The following OSR2 variants were observed in gnomAD, a reference collection of about 807,000 sequenced individuals.
OSR2 encodes protein odd-skipped-related 2.
In OSR2, 8 loss-of-function variants were observed where a neutral mutation model predicts 22.3. That is an observed-to-expected ratio of 0.36 (90% CI 0.21 to 0.65). The LOEUF (loss-of-function observed/expected upper bound fraction) is 0.65. Among genes scored for constraint, OSR2 ranks in the 30% least tolerant of loss-of-function variants. OSR2 has a pLI of 0.66. For missense variants in OSR2, 311 were observed against 413.4 expected (o/e 0.75, Z 2.15); for synonymous variants, 179 against 173.8 (o/e 1.03, Z -0.23).
At chr8:98,950,270 C>T (rs924971359) in intron 2 of OSR2, among the ~76,000 whole-genome samples, 1 of 152,150 alleles carries the variant, frequency 6.6e-6, no homozygotes, top group South Asian at 2.1e-4. Context: ...GATGAGACTT[C>T]TGTACCCATC....
chr8:98,949,867 G>T lies in OSR2; in HGVS notation c.656+259G>T, dbSNP rs1387742790. 1.3e-5 allele frequency among the ~76,000 whole-genome samples: 2 copies of T among 152,142 alleles called. No homozygotes were observed. Among genetic ancestry groups the T allele is most frequent in the Non-Finnish European group, 1.5e-5 (1 of 68,030 alleles). On this transcript the variant is annotated intron_variant, in intron 2 of 3. Coordinates refer to ENST00000297565, the MANE Select transcript of OSR2 (RefSeq NM_001142462.3). The surrounding 1 kb of genome is among the most constrained non-coding windows in gnomAD (Gnocchi z 5.9). ...GGAACAATCTGTTGGCCTTAGTCCT[G>T]GGATGGTTATCCTGTCTCCTCCCGG...
intron 2 of OSR2, 23 bp from the exon 3 acceptor site, chr8:98,950,633 T>A: frequency 6.6e-7 from 1 of 1,520,144 alleles, no homozygotes; most frequent in Non-Finnish European, 9.1e-7. Flanking sequence ...GTTATTTCAA[T>A]GAAACCTTAT....
Position 98,949,552 on chromosome 8 carries a change from C to T in OSR2, c.600C>T (p.Tyr200=), listed in dbSNP as rs1156622476. ...GGACCCACACGGACGAGAGGCCGTACACGTGTGACATCTGCCACAAGGCCT... is the reference window on the plus strand; with the variant it reads ...GGACCCACACGGACGAGAGGCCGTATACGTGTGACATCTGCCACAAGGCCT... ...HERTHTDERP[Y]TCDICHKAFR... is the part of the protein sequence containing the mutation. Residue 200 remains tyrosine (Y), a synonymous_variant, in exon 2 of 4, where the codon TAC becomes TAT. Coordinates refer to ENST00000297565, the MANE Select transcript of OSR2 (RefSeq NM_001142462.3). This position sits in a 1 kb window ranked among gnomAD's most constrained non-coding sequence, Gnocchi z 5.9. 3 of 1,613,884 alleles carry T rather than the reference C, an allele frequency of 1.9e-6. No individual in the cohort carries two copies. The highest frequency in any genetic ancestry group is 2.7e-5 in the African/African-American group (2 of 74,948).
At chr8:98,950,411 G>C (rs1287031125) in intron 2 of OSR2, among the ~76,000 whole-genome samples, 2 of 152,038 alleles carry the variant, frequency 1.3e-5, no homozygotes, top group Non-Finnish European at 2.9e-5. Flanking sequence ...GCGGGGTTTC[G>C]AGCTCCAGAA....
chr8:98,948,218 G>T lies in OSR2; in HGVS notation c.-114-621G>T, dbSNP rs1157805200. 2 of 1,458,260 alleles carry T rather than the reference G, an allele frequency of 1.4e-6. No individual in the cohort carries two copies. The highest frequency in any genetic ancestry group is 2.6e-5 in the Admixed American group (1 of 38,740). The allele number at this position is 1,458,260 out of a possible 1,614,324, so 90.3% of individuals were successfully genotyped here. Reference sequence around the variant, plus strand: ...AGGAAAAAGAAAACCTCCGAGGTCAGTGCGGGGCGAGGTGAGCCCCTCCCA... The same window carrying T: ...AGGAAAAAGAAAACCTCCGAGGTCATTGCGGGGCGAGGTGAGCCCCTCCCA... On this transcript the variant is annotated intron_variant, in intron 1 of 3. Coordinates refer to ENST00000297565, the MANE Select transcript of OSR2 (RefSeq NM_001142462.3). The surrounding 1 kb of genome is among the most constrained non-coding windows in gnomAD (Gnocchi z 6.0).
Position 98,948,440 on chromosome 8 carries a change from G to A in OSR2, c.-114-399G>A. On this transcript the variant is annotated intron_variant, in intron 1 of 3. Transcript: ENST00000297565. This position sits in a 1 kb window ranked among gnomAD's most constrained non-coding sequence, Gnocchi z 6.0. The stretch of plus-strand genomic sequence containing the variant: ...GACAGAGGTTCGCCCCGGCCTGCTA[G>A]CATTGGCATTGCGGTTGACTGAGCT... The A allele has an allele frequency of 8.7e-7, 1 of 1,154,706 alleles. No homozygotes were observed. Among genetic ancestry groups the A allele is most frequent in the Non-Finnish European group, 1.1e-6 (1 of 930,386 alleles). 71.5% of individuals were successfully genotyped at this position (1,154,706 alleles called of 1,614,324 possible).
Position 98,948,096 on chromosome 8 carries a change from G to A in OSR2, c.-114-743G>A, listed in dbSNP as rs2132084294. 9.6e-6 allele frequency: 13 copies of A among 1,349,916 alleles called. No individual in the cohort carries two copies. Among genetic ancestry groups the A allele is most frequent in the Non-Finnish European group, 1.2e-5 (13 of 1,053,248 alleles). 83.6% of individuals were successfully genotyped at this position (1,349,916 alleles called of 1,614,324 possible). On this transcript the variant is annotated intron_variant, in intron 1 of 3. Transcript: ENST00000297565. The surrounding 1 kb of genome is among the most constrained non-coding windows in gnomAD (Gnocchi z 6.0). ...GGTTGGGAGGAGAGCCCGTGGATAG[G>A]AGGAGGGGGCGATTCTAGGCCGAAT... is the stretch of plus-strand genomic sequence containing the variant.
At position 98,949,570 on chromosome 8, in the gene OSR2, C is replaced by CA; in HGVS notation, c.620dup (p.Ala208GlyfsTer34). On this transcript the variant is annotated frameshift_variant, in exon 2 of 4. Transcript: ENST00000297565. LOFTEE classifies it high-confidence loss of function. This position sits in a 1 kb window ranked among gnomAD's most constrained non-coding sequence, Gnocchi z 5.9. ...GGCCGTACACGTGTGACATCTGCCA[C>CA]AAGGCCTTCCGGAGGCAAGATCACC... The CA allele has an allele frequency of 6.2e-7, 1 of 1,612,830 alleles. No individual in the cohort carries two copies. Among genetic ancestry groups the CA allele is most frequent in the Non-Finnish European group, 8.5e-7 (1 of 1,179,132 alleles).
rs1272049701 is a variant in OSR2, at chr8:98,948,689, G to A, written c.-114-150G>A. The A allele has an allele frequency of 2.8e-6, 3 of 1,081,144 alleles. No individual in the cohort carries two copies. The highest frequency in any genetic ancestry group is 5.2e-5 in the East Asian group (2 of 38,332). The allele number at this position is 1,081,144 out of a possible 1,614,324, so 67.0% of individuals were successfully genotyped here. A position where few individuals can be genotyped will look rare whatever the true frequency, so the allele number is the denominator to read the frequency against. On this transcript the variant is annotated intron_variant, in intron 1 of 3. Coordinates refer to ENST00000297565, the MANE Select transcript of OSR2 (RefSeq NM_001142462.3). This position sits in a 1 kb window ranked among gnomAD's most constrained non-coding sequence, Gnocchi z 6.0. Reference sequence around the variant, plus strand: ...CGCGGACTTGAGCAGGTGCCAAGGTGCCACGCAGTCCCCTCACGGCTTTCG... The same window carrying A: ...CGCGGACTTGAGCAGGTGCCAAGGTACCACGCAGTCCCCTCACGGCTTTCG...
chr8:98,949,260 C>T lies in OSR2; in HGVS notation c.308C>T (p.Ala103Val). The change falls in exon 2 of 4, where the codon GCC becomes GTC. Residue 103 changes from alanine to valine, a missense_variant. Transcript: ENST00000297565. The surrounding 1 kb of genome is among the most constrained non-coding windows in gnomAD (Gnocchi z 5.9). ...HLFHPKQGAI[A>V]HVLPALHKDR... Reference sequence around the variant, plus strand: ...TTCCACCCCAAGCAGGGGGCCATTGCCCACGTCCTCCCAGCCCTGCACAAG... The same window carrying T: ...TTCCACCCCAAGCAGGGGGCCATTGTCCACGTCCTCCCAGCCCTGCACAAG... The T allele has an allele frequency of 6.2e-7, 1 of 1,609,080 alleles. No homozygotes were observed. The highest frequency in any genetic ancestry group is 8.5e-7 in the Non-Finnish European group (1 of 1,176,700).
rs1303504877 is a variant in OSR2, at chr8:98,948,675, G to A, written c.-114-164G>A. The A allele has an allele frequency of 9.9e-7, 1 of 1,014,592 alleles. No individual in the cohort carries two copies. Among genetic ancestry groups the A allele is most frequent in the African/African-American group, 1.6e-5 (1 of 61,454 alleles). The allele number at this position is 1,014,592 out of a possible 1,614,324, so 62.8% of individuals were successfully genotyped here. On this transcript the variant is annotated intron_variant, in intron 1 of 3. Coordinates refer to ENST00000297565, the MANE Select transcript of OSR2 (RefSeq NM_001142462.3). This position sits in a 1 kb window ranked among gnomAD's most constrained non-coding sequence, Gnocchi z 6.0. Reference sequence around the variant, plus strand: ...CGGGCTGATCTGCACGCGGACTTGAGCAGGTGCCAAGGTGCCACGCAGTCC... The same window carrying A: ...CGGGCTGATCTGCACGCGGACTTGAACAGGTGCCAAGGTGCCACGCAGTCC...
chr8:98,951,731 C>A lies in OSR2; in HGVS notation c.*30C>A, dbSNP rs1840788857. 1.3e-6 allele frequency: 2 copies of A among 1,585,608 alleles called. No individual in the cohort carries two copies. Among genetic ancestry groups the A allele is most frequent in the Non-Finnish European group, 1.7e-6 (2 of 1,166,828 alleles). ...GCCCAGGATCTGTCCCGTGCCGCCGCTGCTCCCCTCCCCAGACACCTCTCC... is the reference window on the plus strand; with the variant it reads ...GCCCAGGATCTGTCCCGTGCCGCCGATGCTCCCCTCCCCAGACACCTCTCC... On this transcript the variant is annotated 3_prime_UTR_variant, in exon 4 of 4. Transcript: ENST00000297565.
In OSR2 at chr8:98,951,874, T is replaced by C. The variant is rs953082500; in HGVS notation, c.*173T>C. The C allele has an allele frequency of 6.4e-6, 4 of 626,258 alleles. No homozygotes were observed. The highest frequency in any genetic ancestry group is 1.1e-5 in the Non-Finnish European group (4 of 363,070). 38.8% of individuals were successfully genotyped at this position (626,258 alleles called of 1,614,324 possible). On this transcript the variant is annotated 3_prime_UTR_variant, in exon 4 of 4. Coordinates refer to ENST00000297565, the MANE Select transcript of OSR2 (RefSeq NM_001142462.3). Reference sequence around the variant, plus strand: ...TCTTCTTCTGGGGGACTGAGAACTGTAGAAAGCCACACACTACTACATCCC... The same window carrying C: ...TCTTCTTCTGGGGGACTGAGAACTGCAGAAAGCCACACACTACTACATCCC...
rs1177124690 is a variant in OSR2 at position 98,950,743 on chromosome 8, T to C, written c.744T>C (p.Thr248=). ...CQSRTLAVHK[T]LHMQESPHKC... Reference sequence around the variant, plus strand: ...CTAGAACTCTAGCAGTTCACAAAACTTTACACATGCAGGTAAGTTTGTTTT... The same window carrying C: ...CTAGAACTCTAGCAGTTCACAAAACCTTACACATGCAGGTAAGTTTGTTTT... The change falls in exon 3 of 4, where the codon ACT becomes ACC. Residue 248 remains threonine (T), a synonymous_variant. Coordinates refer to ENST00000297565, the MANE Select transcript of OSR2 (RefSeq NM_001142462.3). 6.2e-7 allele frequency: 1 copy of C among 1,609,848 alleles called. No individual in the cohort carries two copies. Among genetic ancestry groups the C allele is most frequent in the African/African-American group, 1.3e-5 (1 of 74,990 alleles).
chr8:98,951,848 CTCT>C lies in OSR2; in HGVS notation c.*154_*156del. ...CGCACCTGCAGCTCCAGGGAGTTAA[CTCT>C]TCTTCTGGGGGACTGAGAACTGTAG... On this transcript the variant is annotated 3_prime_UTR_variant, in exon 4 of 4. Transcript: ENST00000297565. 2 of 731,614 alleles carry C rather than the reference CTCT, an allele frequency of 2.7e-6. No homozygotes were observed. The highest frequency in any genetic ancestry group is 2.2e-6 in the Non-Finnish European group (1 of 457,060). The allele number at this position is 731,614 out of a possible 1,614,324, so 45.3% of individuals were successfully genotyped here.
In OSR2 at chr8:98,948,210, C is replaced by G. The variant is rs554036022; in HGVS notation, c.-114-629C>G. On this transcript the variant is annotated intron_variant, in intron 1 of 3. Coordinates refer to ENST00000297565, the MANE Select transcript of OSR2 (RefSeq NM_001142462.3). The surrounding 1 kb of genome is among the most constrained non-coding windows in gnomAD (Gnocchi z 6.0). ...GCAGAGGAAGGAAAAAGAAAACCTC[C>G]GAGGTCAGTGCGGGGCGAGGTGAGC... 1 of 1,427,580 alleles carries G rather than the reference C, an allele frequency of 7.0e-7. No homozygotes were observed. 88.4% of individuals were successfully genotyped at this position (1,427,580 alleles called of 1,614,324 possible).
At position 98,948,088 on chromosome 8, in the gene OSR2, G is replaced by T. The variant is rs1385015498; in HGVS notation, c.-114-751G>T. On this transcript the variant is annotated intron_variant, in intron 1 of 3. Transcript: ENST00000297565. This position sits in a 1 kb window ranked among gnomAD's most constrained non-coding sequence, Gnocchi z 6.0. ...TAGTCGGGGGTTGGGAGGAGAGCCC[G>T]TGGATAGGAGGAGGGGGCGATTCTA... is the stretch of plus-strand genomic sequence containing the variant. 7.5e-6 allele frequency: 10 copies of T among 1,338,148 alleles called. No homozygotes were observed. The South Asian group carries it at 1.9e-4, about 26-fold the overall frequency. 82.9% of individuals were successfully genotyped at this position (1,338,148 alleles called of 1,614,324 possible). A position where few individuals can be genotyped will look rare whatever the true frequency, so the allele number is the denominator to read the frequency against.
chr8:98,948,307 G>T lies in OSR2; in HGVS notation c.-114-532G>T, dbSNP rs754763910. On this transcript the variant is annotated intron_variant, in intron 1 of 3. Transcript: ENST00000297565. The surrounding 1 kb of genome is among the most constrained non-coding windows in gnomAD (Gnocchi z 6.0). ...GCTCTTGCACGCCGGCTTGCCATCC[G>T]GGTAAGCGCGGGAAAGGCGGCCACA... 7.2e-6 allele frequency: 11 copies of T among 1,524,408 alleles called. No individual in the cohort carries two copies. In the South Asian group the frequency reaches 1.2e-4, roughly 17 times the overall value. 94.4% of individuals were successfully genotyped at this position (1,524,408 alleles called of 1,614,324 possible).
Position 98,951,661 on chromosome 8 carries a change from G to A in OSR2, c.899G>A (p.Arg300Gln). The A allele has an allele frequency of 6.2e-7, 1 of 1,613,796 alleles. No homozygotes were observed. Among genetic ancestry groups the A allele is most frequent in the Non-Finnish European group, 8.5e-7 (1 of 1,179,864 alleles). The change falls in exon 4 of 4, where the codon CGG becomes CAG. Residue 300 changes from arginine (R) to glutamine (Q), a missense_variant. Arg to Gln is a conservative substitution (Grantham distance 43, BLOSUM62 1). Coordinates refer to ENST00000297565, the MANE Select transcript of OSR2 (RefSeq NM_001142462.3). ...GTGTTCAGGCGAAACTGTGATCTGC[G>A]GCGGCACAGCCTGACTCACACCCCG... Reference protein sequence around the residue: ...GKVFRRNCDLRRHSLTHTPRQ... With the variant: ...GKVFRRNCDLQRHSLTHTPRQ...
Sources: gnomAD v4.1 joint callset for allele counts (sites outside exome capture counted in the v4.1 genomes callset) on GRCh38, gnomAD v4.1.1 for gene constraint, Gnocchi (gnomAD v3.1) non-coding constraint, MANE v1.5 for transcripts, NCBI Gene and HGNC (gene_info 2026-07-23, HGNC 2026-07-21) for gene names.